CDKL5: variants seen among roughly 807,000 people sequenced by gnomAD.
The protein encoded by CDKL5 is cyclin dependent kinase like 5.
A neutral mutation model predicts 61.7 loss-of-function variants in CDKL5; 8 were observed. That is an observed-to-expected ratio of 0.13 (90% CI 0.08 to 0.23). The LOEUF (loss-of-function observed/expected upper bound fraction) is 0.23, where lower values mean the gene tolerates loss of function less well. Ranked by LOEUF, CDKL5 falls within the 10% of genes least tolerant of loss-of-function variation. CDKL5 has a pLI of 1.00. For synonymous variants in CDKL5, 275 were observed against 272.3 expected, an observed-to-expected ratio of 1.01 and a Z score of -0.10; for missense variants, 440 against 734.5, an observed-to-expected ratio of 0.60 and a Z score of 4.63.
At chrX:18,624,953 AACTAGCATC>A (rs1569224555) in intron 16 of CDKL5, among the ~76,000 whole-genome samples, 166 bp from the exon 17 acceptor site, 2 of 111,662 alleles carry the variant, frequency 1.8e-5, no homozygotes, top group Non-Finnish European at 3.8e-5. Context: ...AGAAGAATTT[AACTAGCATC>A]ACTTGCATTG....
intron 17 of CDKL5, among the ~76,000 whole-genome samples, chrX:18,626,215 G>A (rs769680595): frequency 1.8e-5 from 2 of 109,999 alleles, no homozygotes; most frequent in Non-Finnish European, 3.8e-5. Flanking sequence ...CTATAGGTGT[G>A]CACCACCACA....
intron 3 of CDKL5, among the ~76,000 whole-genome samples, chrX:18,538,019 C>T (rs773250943): frequency 6.0e-4 from 67 of 111,887 alleles, no homozygotes; most frequent in Non-Finnish European, 1.1e-3. Flanking sequence ...CTGGTGTATA[C>T]TTTTCCAGAC....
Position 18,604,501 on chromosome X carries a change from C to T in CDKL5, c.1577C>T (p.Ser526Phe), listed in dbSNP as rs1165312114. Residue 526 changes from serine (S) to phenylalanine (F), a missense_variant, in exon 12 of 18, where the codon TCT (serine) becomes TTT (phenylalanine). By Grantham distance (155) the Ser-to-Phe change is radical. Around this residue, in one of 2 missense-constraint regions of CDKL5, gnomAD observed 363 missense variants for 516.3 expected, o/e 0.70. Transcript: ENST00000623535. ...CCATCTAGCTGCTTAGACTTGAATT[C>T]TCCCACCAGCCCAACCCCCACCAGA... Reference protein sequence around the residue: ...YFPSSCLDLNSPTSPTPTRHS... With the variant: ...YFPSSCLDLNFPTSPTPTRHS... 7.4e-6 allele frequency: 9 copies of T among 1,211,740 alleles called. No individual in the cohort carries two copies. Among genetic ancestry groups the T allele is most frequent in the Non-Finnish European group, 1.0e-5 (9 of 895,512 alleles).
chrX:18,582,476 G>A (rs1925514764), intron 7 of CDKL5, among the ~76,000 whole-genome samples: 1 of 111,234 alleles, frequency 9.0e-6, no homozygotes, highest in Admixed American at 9.6e-5. Flanking sequence ...GTAGAAAATT[G>A]TCTGTGTCTC....
At position 18,629,530 on chromosome X, in the gene CDKL5, C is replaced by T; in HGVS notation, c.*773C>T. 1 of 710,765 alleles carries T rather than the reference C, an allele frequency of 1.4e-6. No homozygotes were observed. Among genetic ancestry groups the T allele is most frequent in the Non-Finnish European group, 1.7e-6 (1 of 600,537 alleles). The allele number at this position is 710,765 out of a possible 1,213,427, so 58.6% of individuals were successfully genotyped here. On this transcript the variant is annotated 3_prime_UTR_variant, in exon 18 of 18. Transcript: ENST00000623535. ...AAAGTATCGTTATGACACTATCTGCCATATTTTTATACATTTGTGATATGA... is the reference window on the plus strand; with the variant it reads ...AAAGTATCGTTATGACACTATCTGCTATATTTTTATACATTTGTGATATGA...
rs760287047 is a variant in CDKL5, at chrX:18,545,695, CAG to C, written c.100-18780_100-18779del. On this transcript the variant is annotated intron_variant, in intron 3 of 17. Transcript: ENST00000623535. ...GAGTTTGTTCTATTCTTTGTAAACACAGAATGTGAATATAAATTTTCTGCCAT... is the reference window on the plus strand; with the variant it reads ...GAGTTTGTTCTATTCTTTGTAAACACAATGTGAATATAAATTTTCTGCCAT... 4.3e-3 allele frequency among the ~76,000 whole-genome samples: 486 copies of C among 112,411 alleles called. 2 individuals are homozygous for C. In the Middle Eastern group the frequency reaches 0.046, roughly 11 times the overall value.
intron 11 of CDKL5, among the ~76,000 whole-genome samples, chrX:18,600,831 G>A (rs184529390): frequency 8.9e-6 from 1 of 112,081 alleles, no homozygotes; most frequent in African/African-American, 3.2e-5. Flanking sequence ...AAAATCTCTG[G>A]AAGAATCATT....
At chrX:18,610,376 G>T (rs1445007426) in intron 14 of CDKL5, among the ~76,000 whole-genome samples, 2 of 112,293 alleles carry the variant, frequency 1.8e-5, no homozygotes, top group African/African-American at 6.5e-5. Flanking sequence ...CCCACAGTTT[G>T]TTCCAGATGG....
intron 3 of CDKL5, among the ~76,000 whole-genome samples, chrX:18,551,559 C>CATTATT (rs10659381): frequency 0.32 from 25,806 of 80,715 alleles, 3,887 homozygotes; most frequent in Middle Eastern, 0.4. Flanking sequence ...GATACCTTGA[C>CATTATT]ATTATTATTA....
intron 11 of CDKL5, among the ~76,000 whole-genome samples, chrX:18,599,455 T>G (rs1423346394): frequency 8.9e-6 from 1 of 112,162 alleles, no homozygotes; most frequent in Non-Finnish European, 1.9e-5. Flanking sequence ...TTTATTTTTA[T>G]TTTTTAGTTT....
chrX:18,453,193 A>G (rs750972130), intron 1 of CDKL5, among the ~76,000 whole-genome samples: 1 of 111,255 alleles, frequency 9.0e-6, no homozygotes, highest in African/African-American at 3.3e-5. Context: ...TAACCCCACT[A>G]ATTTTTTCAG....
At chrX:18,433,906 C>A (rs780985140) in intron 1 of CDKL5, among the ~76,000 whole-genome samples, 21 of 112,462 alleles carry the variant, frequency 1.9e-4, no homozygotes, top group Non-Finnish European at 9.4e-5. Context: ...GACCTCTAAT[C>A]CCCCTTGACA....
intron 1 of CDKL5, among the ~76,000 whole-genome samples, chrX:18,467,317 AAGGTTGCCAGGTGG>A (rs1920970392): frequency 9.0e-6 from 1 of 111,360 alleles, no homozygotes; most frequent in African/African-American, 3.3e-5. Context: ...GGGTTAAATG[AAGGTTGCCAGGTGG>A]AGGTTGGTGG....
rs763991639 is a variant in CDKL5, at chrX:18,604,597, G to A, written c.1673G>A (p.Arg558His). 7.4e-6 allele frequency: 9 copies of A among 1,210,356 alleles called. No homozygotes were observed. The highest frequency in any genetic ancestry group is 3.5e-5 in the South Asian group (2 of 56,846). Reference sequence around the variant, plus strand: ...CGAAATGAGGGAACGCTGGACTCACGTCGAACCACAACCAGACATTCTAAG... The same window carrying A: ...CGAAATGAGGGAACGCTGGACTCACATCGAACCACAACCAGACATTCTAAG... ...NNRNEGTLDS[R>H]RTTTRHSKTM... Residue 558 changes from arginine to histidine, a missense_variant, in exon 12 of 18, where the codon CGT becomes CAT. Coordinates refer to ENST00000623535, the MANE Select transcript of CDKL5 (RefSeq NM_001323289.2).
intron 2 of CDKL5, among the ~76,000 whole-genome samples, chrX:18,509,197 G>GCACACGCGCA (rs1555940192): frequency 3.3e-4 from 21 of 64,314 alleles, no homozygotes; most frequent in African/African-American, 1.2e-3. Context: ...CTCAAAACAC[G>GCACACGCGCA]CACACACACA....
At chrX:18,494,351 G>A (rs1360114375) in intron 1 of CDKL5, among the ~76,000 whole-genome samples, 2 of 112,295 alleles carry the variant, frequency 1.8e-5, no homozygotes, top group Non-Finnish European at 3.8e-5. Flanking sequence ...GGGTTCAAGT[G>A]ATTCTCCTGC....
rs73456523 is a variant in CDKL5 at position 18,586,013 on chromosome X, G to A, written c.554+1660G>A. On this transcript the variant is annotated intron_variant, in intron 8 of 17. Coordinates refer to ENST00000623535, the MANE Select transcript of CDKL5 (RefSeq NM_001323289.2). ...ACTTATTTTCCAGTGTCTACCAACC[G>A]TCTAGTAGTAATTCTTGATTCATTG... is the stretch of plus-strand genomic sequence containing the variant. Among the ~76,000 whole-genome samples, 416 of 111,289 alleles carry A rather than the reference G, an allele frequency of 3.7e-3. 4 individuals are homozygous for A. Among genetic ancestry groups the A allele is most frequent in the African/African-American group, 0.013 (391 of 30,652 alleles).
intron 1 of CDKL5, among the ~76,000 whole-genome samples, chrX:18,499,361 G>GTTT (rs1192828653): frequency 2.4e-5 from 2 of 83,521 alleles, no homozygotes; most frequent in African/African-American, 4.3e-5. Flanking sequence ...TTCAGTCTTT[G>GTTT]TTTTTTTTTT....
intron 3 of CDKL5, among the ~76,000 whole-genome samples, chrX:18,534,728 T>G (rs1923760965): frequency 8.9e-6 from 1 of 112,471 alleles, no homozygotes; most frequent in Non-Finnish European, 1.9e-5. Context: ...GTTTTCGAGA[T>G]TCCTTTATTC....
Sources: gnomAD v4.1 joint callset for allele counts (sites outside exome capture counted in the v4.1 genomes callset) on GRCh38, gnomAD v4.1.1 for gene constraint, gnomAD v4.1.1 regional missense constraint, MANE v1.5 for transcripts, NCBI Gene and HGNC (gene_info 2026-07-23, HGNC 2026-07-21) for gene names.